Variants in XKR4 observed in about 807,000 individuals in gnomAD.
XKR4 encodes the protein XK related 4.
XKR4 carries 12 observed loss-of-function variants against 53.9 expected under a neutral mutation model. The ratio of observed to expected loss-of-function variants is 0.22; its 90% CI spans 0.14 to 0.36. The LOEUF (loss-of-function observed/expected upper bound fraction) is 0.36. Ranked by LOEUF, XKR4 falls within the 10% of genes least tolerant of loss-of-function variation. The pLI, the probability that XKR4 is intolerant of heterozygous loss-of-function variation, is 1.00. For synonymous variants in XKR4, 354 were observed against 362.4 expected, an observed-to-expected ratio of 0.98 and a Z score of 0.26; for missense variants, 799 against 859.5, an observed-to-expected ratio of 0.93 and a Z score of 0.88.
At chr8:55,152,670 T>TCG (rs566630495) in intron 1 of XKR4, among the ~76,000 whole-genome samples, 2 of 151,874 alleles carry the variant, frequency 1.3e-5, no homozygotes, top group African/African-American at 4.8e-5. Context: ...TACTAATGCT[T>TCG]TGTGAAGCTG....
At chr8:55,324,915 A>G (rs1803270945) in intron 1 of XKR4, among the ~76,000 whole-genome samples, 1 of 152,182 alleles carries the variant, frequency 6.6e-6, no homozygotes, top group African/African-American at 2.4e-5. Flanking sequence ...TGCCTCCTAT[A>G]CAAATATTTT....
At position 55,530,341 on chromosome 8, in the gene XKR4, A is replaced by C. The variant is rs923138109; in HGVS notation, c.*6114A>C. ...TAATATTTAAGAGGATTATTAAACCACTAGCTTGAACAATCATATAAGTCT... is the reference window on the plus strand; with the variant it reads ...TAATATTTAAGAGGATTATTAAACCCCTAGCTTGAACAATCATATAAGTCT... On this transcript the variant is annotated 3_prime_UTR_variant, in exon 3 of 3. Coordinates refer to ENST00000327381, the MANE Select transcript of XKR4 (RefSeq NM_052898.2). 2 of 152,248 alleles carry C rather than the reference A, an allele frequency of 1.3e-5. No homozygotes were observed. The highest frequency in any genetic ancestry group is 2.9e-5 in the Non-Finnish European group (2 of 68,044). 9.4% of individuals were successfully genotyped at this position (152,248 alleles called of 1,614,324 possible).
intron 1 of XKR4, 109 bp downstream of exon 1, chr8:55,103,403 A>C: frequency 6.8e-7 from 1 of 1,469,426 alleles, no homozygotes; most frequent in Non-Finnish European, 9.0e-7. Flanking sequence ...AACCCTAGTC[A>C]CACTCTTCCA....
At chr8:55,477,814 GATGAAATGA>G (rs1372197425) in intron 2 of XKR4, among the ~76,000 whole-genome samples, 2 of 152,126 alleles carry the variant, frequency 1.3e-5, no homozygotes, top group Non-Finnish European at 2.9e-5. Flanking sequence ...AGTGACGGAA[GATGAAATGA>G]ATGAAATGAA....
intron 2 of XKR4, among the ~76,000 whole-genome samples, chr8:55,513,466 A>G (rs1052257850): frequency 4.6e-5 from 7 of 152,226 alleles, no homozygotes; most frequent in African/African-American, 7.2e-5. Flanking sequence ...AAATAGGGGC[A>G]GAATGAAGCA....
At chr8:55,320,557 C>A (rs1364974400) in intron 1 of XKR4, among the ~76,000 whole-genome samples, 2 of 152,078 alleles carry the variant, frequency 1.3e-5, no homozygotes, top group African/African-American at 4.8e-5. Flanking sequence ...CTTCTTTTCA[C>A]AAAAGTAGAA....
intron 2 of XKR4, among the ~76,000 whole-genome samples, chr8:55,364,125 G>A (rs1404423360): frequency 6.6e-6 from 1 of 152,138 alleles, no homozygotes; most frequent in Non-Finnish European, 1.5e-5. Flanking sequence ...TCCGGGAAGG[G>A]GCCAGGCAGC....
intron 2 of XKR4, among the ~76,000 whole-genome samples, chr8:55,487,015 T>C (rs1806202168): frequency 6.6e-6 from 1 of 152,130 alleles, no homozygotes. Context: ...GGGGATTTAT[T>C]AGGGAAATTG....
intron 2 of XKR4, among the ~76,000 whole-genome samples, chr8:55,470,526 G>T (rs1010263270): frequency 6.6e-6 from 1 of 152,168 alleles, no homozygotes; most frequent in Non-Finnish European, 1.5e-5. Context: ...CCCCACTCAT[G>T]TGGAAGTGGG....
intron 2 of XKR4, among the ~76,000 whole-genome samples, chr8:55,465,031 G>T (rs1006100140): frequency 6.6e-6 from 1 of 152,082 alleles, no homozygotes; most frequent in African/African-American, 2.4e-5. Flanking sequence ...TGGGTAGGAA[G>T]AATCAATAAC....
At chr8:55,493,457 TTTA>T (rs1403804856) in intron 2 of XKR4, among the ~76,000 whole-genome samples, 5 of 152,212 alleles carry the variant, frequency 3.3e-5, no homozygotes, top group African/African-American at 1.2e-4. Flanking sequence ...TCTTCCCACA[TTTA>T]ATTTGTTATG....
chr8:55,151,684 C>T (rs748515500), intron 1 of XKR4, among the ~76,000 whole-genome samples: 9 of 152,018 alleles, frequency 5.9e-5, no homozygotes, highest in Non-Finnish European at 1.3e-4. Context: ...TTGCTGTATG[C>T]GCTCCCCTCA....
rs374068612 is a variant in XKR4, at chr8:55,203,607, G to A, written c.806+100313G>A. On this transcript the variant is annotated intron_variant, in intron 1 of 2. Transcript: ENST00000327381. ...GAAGAAGATTGTGGCAGGGGCAGCA[G>A]TGCTCAGCCTGGGCTGGAGTTAGAA... Among the ~76,000 whole-genome samples the A allele has an allele frequency of 6.6e-5, 10 of 152,304 alleles. No homozygotes were observed. In the East Asian group the frequency reaches 1.2e-3, roughly 18 times the overall value.
chr8:55,391,609 A>T (rs539474313), intron 2 of XKR4, among the ~76,000 whole-genome samples: 16 of 152,190 alleles, frequency 1.1e-4, no homozygotes, highest in Non-Finnish European at 2.2e-4. Context: ...GGTAAACCAA[A>T]ATAAAGAATA....
At chr8:55,126,226 G>A (rs956379867) in intron 1 of XKR4, among the ~76,000 whole-genome samples, 3 of 152,204 alleles carry the variant, frequency 2.0e-5, no homozygotes, top group African/African-American at 7.2e-5. Context: ...GTGGTAACTT[G>A]GAATGATGAA....
rs568368128 is a variant in XKR4 at position 55,159,688 on chromosome 8, AT to A, written c.806+56395del. On this transcript the variant is annotated intron_variant, in intron 1 of 2. Coordinates refer to ENST00000327381, the MANE Select transcript of XKR4 (RefSeq NM_052898.2). ...AAACAATTTTCGTGCCAACCTGAAC[AT>A]CAAAAAAAGGCAAGATAAGATTCCA... Among the ~76,000 whole-genome samples the A allele has an allele frequency of 7.2e-5, 11 of 152,362 alleles. No individual in the cohort carries two copies. In the South Asian group the frequency reaches 2.3e-3, roughly 32 times the overall value.
In XKR4 at chr8:55,483,318, G is replaced by A. The variant is rs10104928; in HGVS notation, c.1007-39963G>A. ...ATAGCCCTAAGGTAGCTTTGCAACT[G>A]TTATTTAGGAAATGAAAATAAAATG... On this transcript the variant is annotated intron_variant, in intron 2 of 2. Transcript: ENST00000327381. Among the ~76,000 whole-genome samples the A allele has an allele frequency of 9.7e-3, 1,470 of 152,218 alleles. 20 individuals carry two copies. Among genetic ancestry groups the A allele is most frequent in the African/African-American group, 0.033 (1,389 of 41,542 alleles).
At chr8:55,256,911 G>A (rs909781396) in intron 1 of XKR4, among the ~76,000 whole-genome samples, 1 of 152,142 alleles carries the variant, frequency 6.6e-6, no homozygotes, top group African/African-American at 2.4e-5. Flanking sequence ...TCTGGAGGCT[G>A]GGAAGTTCAA....
intron 1 of XKR4, among the ~76,000 whole-genome samples, chr8:55,207,652 GCACA>G (rs1157404058): frequency 4.9e-5 from 2 of 40,560 alleles, no homozygotes; most frequent in African/African-American, 9.6e-5. Flanking sequence ...ACACACACGC[GCACA>G]CACACACACG....
Sources: allele counts gnomAD v4.1 joint callset (sites outside exome capture counted in the v4.1 genomes callset), GRCh38; gene constraint gnomAD v4.1.1; transcripts MANE v1.5; gene names NCBI Gene and HGNC (gene_info 2026-07-23, HGNC 2026-07-21).